UNC5D: variants seen among roughly 807,000 people sequenced by gnomAD.
UNC5D encodes unc-5 netrin receptor D, also known as netrin receptor UNC5D.
In UNC5D, 39 loss-of-function variants were observed where a neutral mutation model predicts 105.4. The observed-to-expected ratio is 0.37, with a 90% CI of 0.29 to 0.48. The LOEUF (loss-of-function observed/expected upper bound fraction) is 0.48. Ranked by LOEUF, UNC5D falls within the 20% of genes least tolerant of loss-of-function variation. The pLI is 0.98. For missense variants in UNC5D, 991 were observed against 1,202.4 expected (o/e 0.82, Z 2.60); for synonymous variants, 452 against 450.4 (o/e 1.00, Z -0.04).
chr8:35,714,842 G>A (rs930051234), intron 8 of UNC5D, among the ~76,000 whole-genome samples: 1 of 152,168 alleles, frequency 6.6e-6, no homozygotes, highest in Non-Finnish European at 1.5e-5. Flanking sequence ...CTGAGTATGG[G>A]CTAGGCAAAT....
At chr8:35,720,507 C>T (rs1828516374) in intron 8 of UNC5D, among the ~76,000 whole-genome samples, 2 of 152,216 alleles carry the variant, frequency 1.3e-5, no homozygotes, top group East Asian at 1.9e-4. Context: ...TGGCATGATG[C>T]ATCTGCTGTG....
intron 8 of UNC5D, chr8:35,721,386 G>A (rs1217483491): frequency 2.8e-6 from 2 of 702,470 alleles, no homozygotes; most frequent in African/African-American, 1.7e-5. Flanking sequence ...ATCTTGCGGG[G>A]TGGGGAGGCA....
intron 1 of UNC5D, among the ~76,000 whole-genome samples, chr8:35,512,535 G>GCATATATA (rs1554547740): frequency 3.0e-5 from 1 of 33,448 alleles, no homozygotes. Flanking sequence ...ATTCAGATAT[G>GCATATATA]TATGTATATA....
At chr8:35,393,482 A>G (rs768855364) in intron 1 of UNC5D, among the ~76,000 whole-genome samples, 5 of 151,906 alleles carry the variant, frequency 3.3e-5, no homozygotes, top group Non-Finnish European at 7.4e-5. Context: ...ACTTGTCACA[A>G]TACTATTTCA....
At chr8:35,378,958 C>A (rs1802865077) in intron 1 of UNC5D, among the ~76,000 whole-genome samples, 1 of 152,154 alleles carries the variant, frequency 6.6e-6, no homozygotes, top group Non-Finnish European at 1.5e-5. Context: ...TTGTCAGGTG[C>A]AGGAGTGGAT....
chr8:35,316,444 G>A (rs934206037), intron 1 of UNC5D, among the ~76,000 whole-genome samples: 8 of 152,128 alleles, frequency 5.3e-5, no homozygotes, highest in Non-Finnish European at 5.9e-5. Context: ...GTCTCTATGA[G>A]CTAAATGTAT....
At chr8:35,267,465 G>T (rs1272908080) in intron 1 of UNC5D, among the ~76,000 whole-genome samples, 1 of 152,262 alleles carries the variant, frequency 6.6e-6, no homozygotes, top group East Asian at 1.9e-4. Context: ...TTGAGATGGA[G>T]TCTCACTCTG....
Position 35,726,179 on chromosome 8 carries a change from T to G in UNC5D, c.1331T>G (p.Met444Arg). ...AACTCCCTGCTCCTGAATTCTGCCA[T>G]GCAGCCAGATCTGACAGTGAGCCGG... ...QGNSLLLNSAMQPDLTVSRTY... is the reference protein window; with the variant it reads ...QGNSLLLNSARQPDLTVSRTY... The change falls in exon 10 of 17, where the codon ATG becomes AGG. Residue 444 changes from methionine to arginine, a missense_variant. Around this residue, in one of 3 missense-constraint regions of UNC5D, gnomAD observed 944 missense variants for 1,131.6 expected, o/e 0.83. Coordinates refer to ENST00000404895, the MANE Select transcript of UNC5D (RefSeq NM_080872.4). 1 of 1,612,174 alleles carries G rather than the reference T, an allele frequency of 6.2e-7. No individual in the cohort carries two copies. The highest frequency in any genetic ancestry group is 1.3e-5 in the African/African-American group (1 of 75,008).
intron 1 of UNC5D, among the ~76,000 whole-genome samples, chr8:35,456,386 A>C (rs1246739723): frequency 6.6e-6 from 1 of 152,180 alleles, no homozygotes; most frequent in African/African-American, 2.4e-5. Context: ...GGTGATGCTG[A>C]TGCTGCTGAT....
chr8:35,600,074 T>C (rs1362910854), intron 4 of UNC5D, among the ~76,000 whole-genome samples: 1 of 152,166 alleles, frequency 6.6e-6, no homozygotes, highest in Non-Finnish European at 1.5e-5. Context: ...GTCCTTGGGA[T>C]AGTTTGCTGA....
chr8:35,471,876 T>C lies in UNC5D; in HGVS notation c.104-77416T>C, dbSNP rs145075142. 4.1e-3 allele frequency among the ~76,000 whole-genome samples: 629 copies of C among 152,332 alleles called. 8 individuals carry two copies. The highest frequency in any genetic ancestry group is 0.014 in the African/African-American group (593 of 41,584). ...AGGAAGCTGCCATTACACTGAGATATATTGATGCCTTATTGTGGTTTATTG... is the reference window on the plus strand; with the variant it reads ...AGGAAGCTGCCATTACACTGAGATACATTGATGCCTTATTGTGGTTTATTG... On this transcript the variant is annotated intron_variant, in intron 1 of 16. Coordinates refer to ENST00000404895, the MANE Select transcript of UNC5D (RefSeq NM_080872.4).
chr8:35,284,121 G>T (rs1224008345), intron 1 of UNC5D, among the ~76,000 whole-genome samples: 1 of 152,128 alleles, frequency 6.6e-6, no homozygotes, highest in Non-Finnish European at 1.5e-5. Flanking sequence ...GATAAAGACT[G>T]CATGAGACTA....
intron 1 of UNC5D, among the ~76,000 whole-genome samples, chr8:35,508,165 T>C (rs538240789): frequency 1.8e-4 from 28 of 152,250 alleles, no homozygotes; most frequent in South Asian, 1.7e-3. Context: ...TGGAAGTGCT[T>C]TGAAAGTCCA....
chr8:35,744,075 T>C (rs1362581446), intron 11 of UNC5D, among the ~76,000 whole-genome samples: 2 of 152,228 alleles, frequency 1.3e-5, no homozygotes, highest in Non-Finnish European at 2.9e-5. Flanking sequence ...GTCTTTGTAT[T>C]TCATGACATT....
chr8:35,513,922 T>G (rs991689126), intron 1 of UNC5D, among the ~76,000 whole-genome samples: 1 of 152,240 alleles, frequency 6.6e-6, no homozygotes, highest in Admixed American at 6.5e-5. Context: ...TTTAACATTT[T>G]TAAGCTATTG....
intron 1 of UNC5D, among the ~76,000 whole-genome samples, chr8:35,408,337 A>T (rs1804941468): frequency 6.6e-6 from 1 of 151,422 alleles, no homozygotes; most frequent in South Asian, 2.1e-4. Context: ...TTTTGGTTTA[A>T]TATGATGATG....
intron 4 of UNC5D, among the ~76,000 whole-genome samples, chr8:35,672,098 T>A (rs1298475048): frequency 6.6e-6 from 1 of 152,176 alleles, no homozygotes; most frequent in Non-Finnish European, 1.5e-5. Flanking sequence ...CATGTCCATG[T>A]ATGTATGATA....
intron 1 of UNC5D, among the ~76,000 whole-genome samples, chr8:35,327,002 T>C (rs1418259051): frequency 6.6e-6 from 1 of 152,144 alleles, no homozygotes; most frequent in Non-Finnish European, 1.5e-5. Context: ...TTATGAACAT[T>C]GCCCCCACTG....
chr8:35,243,258 T>C (rs1802903708), intron 1 of UNC5D, among the ~76,000 whole-genome samples: 1 of 151,960 alleles, frequency 6.6e-6, no homozygotes, highest in African/African-American at 2.4e-5. Flanking sequence ...AATTGAAGAG[T>C]AAGAAAACAC....
Sources: allele counts gnomAD v4.1 joint callset (sites outside exome capture counted in the v4.1 genomes callset), GRCh38; gene constraint gnomAD v4.1.1; regional missense constraint gnomAD v4.1.1; transcripts MANE v1.5; gene names NCBI Gene and HGNC (gene_info 2026-07-23, HGNC 2026-07-21).